Variants in MEF2D observed in about 807,000 individuals in gnomAD.
The protein encoded by MEF2D is myocyte enhancer factor 2D, also known as myocyte-specific enhancer factor 2D.
Under a neutral mutation model 59.3 loss-of-function variants are expected in MEF2D, and 10 were observed. That is an observed-to-expected ratio of 0.17 (90% confidence interval 0.10 to 0.29). MEF2D has a LOEUF of 0.29. MEF2D is among the 10% of genes least tolerant of loss of function. The pLI is 1.00. For missense variants in MEF2D, 508 were observed against 699.4 expected, an observed-to-expected ratio of 0.73 and a Z score of 3.09; for synonymous variants, 305 against 295.0, an observed-to-expected ratio of 1.03 and a Z score of -0.35.
intron 1 of MEF2D, among the ~76,000 whole-genome samples, chr1:156,498,442 T>A (rs1673270921): frequency 6.6e-6 from 1 of 152,190 alleles, no homozygotes; most frequent in Admixed American, 6.5e-5. Flanking sequence ...ACGGACTGTA[T>A]GTCTCCCTTC....
chr1:156,481,051 A>T (rs1321148862), intron 3 of MEF2D, 80 bp from the exon 4 acceptor site: 26 of 1,587,408 alleles, frequency 1.6e-5, no homozygotes, highest in Non-Finnish European at 2.1e-5. Context: ...CCCCTCCCTA[A>T]GGGCCCCCTA....
At chr1:156,471,414 C>A (rs1482819631) in intron 9 of MEF2D, among the ~76,000 whole-genome samples, 1 of 152,214 alleles carries the variant, frequency 6.6e-6, no homozygotes, top group Non-Finnish European at 1.5e-5. Context: ...CAGGTGTGAG[C>A]CACCGCGCCC....
At chr1:156,494,146 C>T (rs1672989058) in intron 1 of MEF2D, among the ~76,000 whole-genome samples, 1 of 152,146 alleles carries the variant, frequency 6.6e-6, no homozygotes, top group Admixed American at 6.5e-5. Flanking sequence ...TACACACATG[C>T]TTTAAAGGGA....
intron 1 of MEF2D, among the ~76,000 whole-genome samples, chr1:156,493,480 C>G (rs977518550): frequency 6.6e-6 from 1 of 151,888 alleles, no homozygotes; most frequent in African/African-American, 2.4e-5. Flanking sequence ...AGGCGGCCAG[C>G]CAGGCAGCTC....
chr1:156,483,255 T>G lies in MEF2D; in HGVS notation c.38A>C (p.Asp13Ala). ...CTTCCCTACCTGTCGGTTCCGCTCG[T>G]CGGTGATTCGCTGGATCTGAATCTT... ...RKKIQIQRIT[D>A]ERNRQVTFTK... is the part of the protein sequence containing the mutation. The change falls in exon 2 of 12, where the codon GAC (aspartate) becomes GCC (alanine). Residue 13 changes from aspartate to alanine, a missense_variant. Asp to Ala is a moderately radical substitution (Grantham distance 126). This residue lies in a region of MEF2D where 27 missense variants were observed against 114.8 expected (regional missense o/e 0.24). Coordinates refer to ENST00000348159, the MANE Select transcript of MEF2D (RefSeq NM_005920.4). 6.2e-7 allele frequency: 1 copy of G among 1,614,116 alleles called. No individual in the cohort carries two copies. Among genetic ancestry groups the G allele is most frequent in the Non-Finnish European group, 8.5e-7 (1 of 1,180,012 alleles).
chr1:156,475,287 T>TA, intron 8 of MEF2D, 50 bp from the exon 9 acceptor site: 1 of 1,528,650 alleles, frequency 6.5e-7, no homozygotes, highest in Non-Finnish European at 8.8e-7. Flanking sequence ...TGGGCAGCTT[T>TA]ATGTTGGCCC....
intron 9 of MEF2D, among the ~76,000 whole-genome samples, chr1:156,470,611 A>G (rs1376417307): frequency 6.6e-6 from 1 of 152,092 alleles, no homozygotes; most frequent in African/African-American, 2.4e-5. Flanking sequence ...TCTGCAATAT[A>G]GCAATAAGGT....
intron 8 of MEF2D, 151 bp downstream of exon 8, chr1:156,476,343 C>T (rs1671604148): frequency 1.1e-5 from 10 of 925,490 alleles, no homozygotes; most frequent in South Asian, 1.1e-4. Context: ...CCACTTGGCA[C>T]CTAAGCACAG....
In MEF2D at chr1:156,464,776, A is replaced by G. The variant is rs889336608; in HGVS notation, c.*2869T>C. 3.3e-5 allele frequency: 5 copies of G among 152,226 alleles called. No individual in the cohort carries two copies. The highest frequency in any genetic ancestry group is 1.2e-4 in the African/African-American group (5 of 41,426). 9.4% of individuals were successfully genotyped at this position (152,226 alleles called of 1,614,324 possible). On this transcript the variant is annotated 3_prime_UTR_variant, in exon 12 of 12. Transcript: ENST00000348159. Reference sequence around the variant, plus strand: ...GACACTGAAACATCCACACATGGTAATCAAAAGCCAGGTTTGCCTTTATGA... The same window carrying G: ...GACACTGAAACATCCACACATGGTAGTCAAAAGCCAGGTTTGCCTTTATGA...
intron 1 of MEF2D, among the ~76,000 whole-genome samples, chr1:156,497,388 G>C (rs1382295814): frequency 1.3e-5 from 2 of 152,246 alleles, no homozygotes; most frequent in Non-Finnish European, 2.9e-5. Context: ...GCTGGCCTGA[G>C]AGAGCCTCGA....
intron 1 of MEF2D, among the ~76,000 whole-genome samples, chr1:156,499,158 C>T (rs1673323569): frequency 6.6e-6 from 1 of 152,170 alleles, no homozygotes; most frequent in South Asian, 2.1e-4. Context: ...CCAGAGCAGC[C>T]CAAGGTCACC....
intron 1 of MEF2D, among the ~76,000 whole-genome samples, chr1:156,489,745 T>C (rs1672632388): frequency 6.6e-6 from 1 of 152,078 alleles, no homozygotes; most frequent in Non-Finnish European, 1.5e-5. Context: ...AAGGGGGCCC[T>C]TGGGGGCCTG....
rs1243505635 is a variant in MEF2D, at chr1:156,463,904, G to A, written c.*3741C>T. 6.6e-6 allele frequency: 1 copy of A among 152,618 alleles called. No individual in the cohort carries two copies. Among genetic ancestry groups the A allele is most frequent in the Non-Finnish European group, 1.5e-5 (1 of 68,044 alleles). 9.5% of individuals were successfully genotyped at this position (152,618 alleles called of 1,614,324 possible). A position where few individuals can be genotyped will look rare whatever the true frequency, so the allele number is the denominator to read the frequency against. Reference sequence around the variant, plus strand: ...AAGAAATATTGAAAACAAATCAACAGCCTCACACTTGGACTCGCCCTGCCC... The same window carrying A: ...AAGAAATATTGAAAACAAATCAACAACCTCACACTTGGACTCGCCCTGCCC... On this transcript the variant is annotated 3_prime_UTR_variant, in exon 12 of 12. Coordinates refer to ENST00000348159, the MANE Select transcript of MEF2D (RefSeq NM_005920.4).
intron 1 of MEF2D, among the ~76,000 whole-genome samples, chr1:156,494,226 T>A (rs1380204837): frequency 6.6e-6 from 1 of 151,980 alleles, no homozygotes; most frequent in Non-Finnish European, 1.5e-5. Context: ...CCAACTGGAG[T>A]GGGAAGACCC....
chr1:156,491,719 C>A (rs202005227), intron 1 of MEF2D, among the ~76,000 whole-genome samples: 23 of 152,326 alleles, frequency 1.5e-4, no homozygotes, highest in East Asian at 1.3e-3. Flanking sequence ...GCTCTAGAAC[C>A]CAAGCCTAAG....
At chr1:156,474,549 A>C (rs1444404156) in intron 9 of MEF2D, among the ~76,000 whole-genome samples, 1 of 152,248 alleles carries the variant, frequency 6.6e-6, no homozygotes, top group Non-Finnish European at 1.5e-5. Context: ...TGCTGGGCAC[A>C]GTCGGTAACA....
chr1:156,476,526 A>G lies in MEF2D; in HGVS notation c.856-12T>C, dbSNP rs1265075221. ...AAATGGTCCTCAGTCTGAGAGCAGA[A>G]ATAAAACCAAGGGGATGTTCAGTCT... On this transcript the variant is annotated splice_polypyrimidine_tract_variant and intron_variant, in intron 7 of 11. Transcript: ENST00000348159. 1.9e-6 allele frequency: 3 copies of G among 1,610,914 alleles called. No individual in the cohort carries two copies. The highest frequency in any genetic ancestry group is 2.5e-6 in the Non-Finnish European group (3 of 1,178,638).
At chr1:156,498,423 T>G (rs1343150308) in intron 1 of MEF2D, among the ~76,000 whole-genome samples, 1 of 152,180 alleles carries the variant, frequency 6.6e-6, no homozygotes, top group Non-Finnish European at 1.5e-5. Context: ...GACTGGGGCT[T>G]CCATGAACAC....
chr1:156,478,304 G>A (rs1005814279), intron 6 of MEF2D, among the ~76,000 whole-genome samples: 8 of 152,160 alleles, frequency 5.3e-5, no homozygotes, highest in African/African-American at 1.9e-4. Context: ...ATGTGAGAGT[G>A]ACCACAGTCA....
Sources: gnomAD v4.1 joint callset for allele counts (sites outside exome capture counted in the v4.1 genomes callset) on GRCh38, gnomAD v4.1.1 for gene constraint, gnomAD v4.1.1 regional missense constraint, MANE v1.5 for transcripts, NCBI Gene and HGNC (gene_info 2026-07-23, HGNC 2026-07-21) for gene names.